Variants in PRKAA1 observed in about 807,000 individuals in gnomAD.
PRKAA1 encodes 5'-AMP-activated protein kinase catalytic subunit alpha-1.
PRKAA1 carries 23 observed loss-of-function variants against 56.9 expected under a neutral mutation model. The ratio of observed to expected loss-of-function variants is 0.40; its 90% CI spans 0.29 to 0.57. PRKAA1 has a LOEUF of 0.57. PRKAA1 is among the 20% of genes least tolerant of loss of function. The probability of loss-of-function intolerance (pLI) is 0.39; values close to 1 mark genes in which losing one functional copy is unlikely to be tolerated. For missense variants in PRKAA1, 413 were observed against 679.7 expected (o/e 0.61, Z 4.36); for synonymous variants, 226 against 227.0 (o/e 1.00, Z 0.04).
intron 5 of PRKAA1, chr5:40,768,392 A>G: frequency 2.2e-6 from 2 of 905,964 alleles, no homozygotes; most frequent in Non-Finnish European, 2.6e-6. Flanking sequence ...ATGCACAGTT[A>G]TAACATTTCT....
chr5:40,768,808 TATTCTTAAAAATA>T (rs1259203986), intron 5 of PRKAA1: 1 of 1,475,916 alleles, frequency 6.8e-7, no homozygotes, highest in Non-Finnish European at 8.9e-7. Flanking sequence ...GACAAAGAGT[TATTCTTAAAAATA>T]TTAAATTCTC....
intron 1 of PRKAA1, among the ~76,000 whole-genome samples, chr5:40,793,064 T>C (rs1744781512): frequency 7.0e-6 from 1 of 142,728 alleles, no homozygotes. Context: ...TGGAACTCCA[T>C]CTCAAAAAAA....
intron 1 of PRKAA1, among the ~76,000 whole-genome samples, chr5:40,793,121 A>AT (rs540065466): frequency 3.9e-5 from 6 of 152,240 alleles, no homozygotes; most frequent in African/African-American, 1.4e-4. Context: ...TTAATAGTTT[A>AT]TATGTATAAA....
At chr5:40,795,000 CAT>C (rs370851915) in intron 1 of PRKAA1, among the ~76,000 whole-genome samples, 62 of 89,106 alleles carry the variant, frequency 7.0e-4, no homozygotes, top group Middle Eastern at 4.7e-3. Flanking sequence ...GTGGTGTATA[CAT>C]ATATATACAC....
intron 1 of PRKAA1, among the ~76,000 whole-genome samples, chr5:40,793,784 C>T (rs1330239478): frequency 6.6e-6 from 1 of 152,074 alleles, no homozygotes; most frequent in Non-Finnish European, 1.5e-5. Context: ...TACCCTGTCC[C>T]CCCACACTAT....
intron 3 of PRKAA1, 131 bp downstream of exon 3, chr5:40,775,279 C>G: frequency 1.3e-6 from 1 of 743,586 alleles, no homozygotes; most frequent in Non-Finnish European, 2.3e-6. Flanking sequence ...GTTTATGATT[C>G]TAAACAAATA....
At chr5:40,781,512 G>A (rs1744265435) in intron 1 of PRKAA1, among the ~76,000 whole-genome samples, 1 of 152,028 alleles carries the variant, frequency 6.6e-6, no homozygotes, top group Admixed American at 6.6e-5. Context: ...AGGCCTAGAA[G>A]GCAACAAATC....
At chr5:40,774,417 G>A (rs940075954) in intron 3 of PRKAA1, among the ~76,000 whole-genome samples, 2 of 151,942 alleles carry the variant, frequency 1.3e-5, no homozygotes, top group Non-Finnish European at 2.9e-5. Flanking sequence ...GAAAATACGG[G>A]TGCTGAAATT....
In PRKAA1 at chr5:40,764,489, A is replaced by G. The variant is rs772248620; in HGVS notation, c.1435+25T>C. The G allele has an allele frequency of 6.9e-6, 11 of 1,595,918 alleles. No individual in the cohort carries two copies. In the Admixed American group the frequency reaches 1.0e-4, roughly 15 times the overall value. ...CCAAGTTAGTAACAAGGTCTAATCT[A>G]TGTTGTTTTGTGTGATGTACATACC... On this transcript the variant is annotated intron_variant, in intron 8 of 8. Coordinates refer to ENST00000397128, the MANE Select transcript of PRKAA1 (RefSeq NM_006251.6).
At chr5:40,763,089 T>G in intron 8 of PRKAA1, 67 bp from the exon 9 acceptor site, 1 of 1,542,814 alleles carries the variant, frequency 6.5e-7, no homozygotes, top group Non-Finnish European at 8.9e-7. Flanking sequence ...GTAACAGTAT[T>G]GAATTTGCTT....
intron 1 of PRKAA1, among the ~76,000 whole-genome samples, chr5:40,792,349 T>C (rs748586002): frequency 1.2e-4 from 19 of 152,230 alleles, no homozygotes; most frequent in Non-Finnish European, 2.6e-4. Context: ...ACTATTACTA[T>C]TAGAAAGGTT....
chr5:40,776,126 A>G (rs1337681122), intron 2 of PRKAA1, among the ~76,000 whole-genome samples: 2 of 152,262 alleles, frequency 1.3e-5, no homozygotes, highest in African/African-American at 4.8e-5. Flanking sequence ...AAAGGTAGCC[A>G]CAGGAGGTTA....
intron 1 of PRKAA1, among the ~76,000 whole-genome samples, chr5:40,794,371 T>A (rs1027532721): frequency 2.0e-5 from 3 of 152,212 alleles, no homozygotes; most frequent in African/African-American, 7.2e-5. Context: ...TTTGAGTTCA[T>A]TGTGGATTCT....
intron 2 of PRKAA1, among the ~76,000 whole-genome samples, chr5:40,776,482 A>C (rs944131723): frequency 6.6e-6 from 1 of 152,240 alleles, no homozygotes; most frequent in African/African-American, 2.4e-5. Context: ...CAAGAGATGT[A>C]CATTTAGGGG....
chr5:40,794,079 G>T (rs1035964301), intron 1 of PRKAA1, among the ~76,000 whole-genome samples: 1 of 150,148 alleles, frequency 6.7e-6, no homozygotes, highest in Non-Finnish European at 1.5e-5. Context: ...TCCAGCCTGG[G>T]TGACAAGAGC....
chr5:40,773,458 A>G (rs1196711429), intron 3 of PRKAA1, among the ~76,000 whole-genome samples: 1 of 152,214 alleles, frequency 6.6e-6, no homozygotes, highest in Non-Finnish European at 1.5e-5. Context: ...GTCAAAATAC[A>G]TTTCCAATTA....
intron 1 of PRKAA1, among the ~76,000 whole-genome samples, chr5:40,780,150 G>GT (rs1744206784): frequency 6.6e-6 from 1 of 152,146 alleles, no homozygotes; most frequent in Non-Finnish European, 1.5e-5. Flanking sequence ...TAAATATTTT[G>GT]TAAGTATATG....
At chr5:40,789,504 T>C (rs748975501) in intron 1 of PRKAA1, among the ~76,000 whole-genome samples, 7 of 152,172 alleles carry the variant, frequency 4.6e-5, no homozygotes, top group Non-Finnish European at 1.0e-4. Flanking sequence ...ATCCCATTAC[T>C]GAGTATATAT....
At position 40,777,438 on chromosome 5, in the gene PRKAA1, A is replaced by G; in HGVS notation, c.269+7T>C. Reference sequence around the variant, plus strand: ...ACTGGACTATATTTAATATAAACAGAGCTTACAGTTTAATTATATGAGGAT... The same window carrying G: ...ACTGGACTATATTTAATATAAACAGGGCTTACAGTTTAATTATATGAGGAT... On this transcript the variant is annotated splice_region_variant and intron_variant, in intron 2 of 8. Transcript: ENST00000397128. 6.2e-7 allele frequency: 1 copy of G among 1,603,976 alleles called. No homozygotes were observed. The highest frequency in any genetic ancestry group is 8.5e-7 in the Non-Finnish European group (1 of 1,173,184).
Sources: allele counts gnomAD v4.1 joint callset (sites outside exome capture counted in the v4.1 genomes callset), GRCh38; gene constraint gnomAD v4.1.1; transcripts MANE v1.5; gene names NCBI Gene and HGNC (gene_info 2026-07-23, HGNC 2026-07-21).